ZNF385D: variants seen among roughly 807,000 people sequenced by gnomAD.
The protein encoded by ZNF385D is zinc finger protein 659.
ZNF385D carries 15 observed loss-of-function variants against 35.8 expected under a neutral mutation model. That is an observed-to-expected ratio of 0.42 (90% CI 0.28 to 0.64). The LOEUF (loss-of-function observed/expected upper bound fraction) is 0.64, where lower values mean the gene tolerates loss of function less well. Ranked by LOEUF, ZNF385D falls within the 30% of genes least tolerant of loss-of-function variation. The probability of loss-of-function intolerance (pLI) is 0.23; values close to 1 mark genes in which losing one functional copy is unlikely to be tolerated. For synonymous variants in ZNF385D, 212 were observed against 186.8 expected, an observed-to-expected ratio of 1.13 and a Z score of -1.10; for missense variants, 474 against 494.6, an observed-to-expected ratio of 0.96 and a Z score of 0.39.
intron 2 of ZNF385D, among the ~76,000 whole-genome samples, chr3:21,627,371 C>G (rs886167112): frequency 4.6e-5 from 7 of 151,686 alleles, no homozygotes; most frequent in Admixed American, 1.3e-4. Flanking sequence ...TACTCTAAGA[C>G]CTCCACATGC....
chr3:21,982,760 C>T (rs1438643342), intron 3 of ZNF385D, among the ~76,000 whole-genome samples: 2 of 151,880 alleles, frequency 1.3e-5, no homozygotes, highest in African/African-American at 4.8e-5. Flanking sequence ...TATGTTTCTA[C>T]TATACCTAGT....
chr3:21,442,813 G>C (rs1279499488), intron 4 of ZNF385D, among the ~76,000 whole-genome samples: 1 of 151,890 alleles, frequency 6.6e-6, no homozygotes, highest in African/African-American at 2.4e-5. Context: ...ATAAGTGTGT[G>C]TGCACACTTA....
intron 2 of ZNF385D, among the ~76,000 whole-genome samples, chr3:22,235,697 C>T (rs1233847409): frequency 1.3e-5 from 2 of 151,954 alleles, no homozygotes; most frequent in African/African-American, 4.8e-5. Context: ...AACTGAAAAA[C>T]TGAAAATCAA....
chr3:21,850,306 G>A (rs1039418044), intron 3 of ZNF385D, among the ~76,000 whole-genome samples: 1 of 151,992 alleles, frequency 6.6e-6, no homozygotes, highest in Admixed American at 6.6e-5. Context: ...AGAAATATGG[G>A]ATTATGATCC....
chr3:21,979,243 C>A (rs186215759), intron 3 of ZNF385D, among the ~76,000 whole-genome samples: 15 of 152,008 alleles, frequency 9.9e-5, no homozygotes, highest in African/African-American at 3.4e-4. Flanking sequence ...TATAACTGCA[C>A]CAAACAGAAG....
At chr3:22,170,467 C>G (rs1445886190) in intron 2 of ZNF385D, among the ~76,000 whole-genome samples, 1 of 152,180 alleles carries the variant, frequency 6.6e-6, no homozygotes, top group Non-Finnish European at 1.5e-5. Flanking sequence ...ATTGAAGTCA[C>G]TATCCAAATT....
chr3:21,571,932 G>T (rs2063347176), intron 2 of ZNF385D, among the ~76,000 whole-genome samples: 1 of 152,068 alleles, frequency 6.6e-6, no homozygotes, highest in Admixed American at 6.6e-5. Context: ...TGAAACCAAA[G>T]AACCTCACCC....
chr3:21,954,487 A>C (rs1244489395), intron 3 of ZNF385D, among the ~76,000 whole-genome samples: 1 of 152,034 alleles, frequency 6.6e-6, no homozygotes, highest in African/African-American at 2.4e-5. Context: ...GGAGGTTTCT[A>C]AACTTTCTCA....
chr3:21,963,188 C>A (rs933441384), intron 3 of ZNF385D, among the ~76,000 whole-genome samples: 1 of 152,154 alleles, frequency 6.6e-6, no homozygotes, highest in African/African-American at 2.4e-5. Context: ...ACCGGATGTT[C>A]CACTTATAAC....
chr3:22,003,587 C>T (rs1405509532), intron 3 of ZNF385D, among the ~76,000 whole-genome samples: 1 of 152,020 alleles, frequency 6.6e-6, no homozygotes, highest in Non-Finnish European at 1.5e-5. Context: ...TAAAATTTGG[C>T]CAGGTACAGT....
chr3:21,922,951 C>G (rs910377815), intron 3 of ZNF385D, among the ~76,000 whole-genome samples: 2 of 152,074 alleles, frequency 1.3e-5, no homozygotes, highest in Non-Finnish European at 2.9e-5. Flanking sequence ...AACAAATTGC[C>G]CTGTTTGAAA....
At chr3:21,676,618 C>T (rs1349624372) in intron 1 of ZNF385D, among the ~76,000 whole-genome samples, 2 of 151,982 alleles carry the variant, frequency 1.3e-5, no homozygotes, top group Non-Finnish European at 2.9e-5. Flanking sequence ...AGGTTCTTTG[C>T]TGGATAACTT....
chr3:21,865,105 TCTA>T (rs1697276174), intron 3 of ZNF385D, among the ~76,000 whole-genome samples: 1 of 141,454 alleles, frequency 7.1e-6, no homozygotes, highest in South Asian at 2.5e-4. Flanking sequence ...ACTTGCCGTA[TCTA>T]CTTTCATGTG....
intron 3 of ZNF385D, among the ~76,000 whole-genome samples, chr3:22,021,569 T>C (rs1206344796): frequency 6.6e-6 from 1 of 152,096 alleles, no homozygotes; most frequent in Non-Finnish European, 1.5e-5. Flanking sequence ...TTTTCTTATA[T>C]ACTTTTGTGA....
chr3:21,814,984 T>C (rs2073084863), intron 3 of ZNF385D, among the ~76,000 whole-genome samples: 1 of 152,156 alleles, frequency 6.6e-6, no homozygotes, highest in South Asian at 2.1e-4. Context: ...ACAAACTGTC[T>C]CTCAGACCAC....
intron 2 of ZNF385D, among the ~76,000 whole-genome samples, chr3:22,240,381 C>T (rs1336732213): frequency 6.6e-6 from 1 of 150,886 alleles, no homozygotes; most frequent in African/African-American, 2.5e-5. Flanking sequence ...AGGTATCTCC[C>T]TCTCACTATC....
intron 3 of ZNF385D, among the ~76,000 whole-genome samples, chr3:22,023,662 T>TA (rs1328518045): frequency 6.8e-6 from 1 of 147,998 alleles, no homozygotes; most frequent in Non-Finnish European, 1.5e-5. Flanking sequence ...AAGCAATGCT[T>TA]TTTTTTTTAT....
Position 21,968,176 on chromosome 3 carries a change from G to A in ZNF385D, c.325+200641C>T, listed in dbSNP as rs118021955. Among the ~76,000 whole-genome samples, 190 of 152,218 alleles carry A rather than the reference G, an allele frequency of 1.2e-3. 4 individuals carry two copies. In the East Asian group the frequency reaches 0.033, roughly 26 times the overall value. On this transcript the variant is annotated intron_variant, in intron 3 of 5. Coordinates refer to the ZNF385D transcript ENST00000494108. Reference sequence around the variant, plus strand: ...CCCAGTCACAGCGGAAAGCAACATCGGGTGGAACGCAGCCAATGCCACCAC... The same window carrying A: ...CCCAGTCACAGCGGAAAGCAACATCAGGTGGAACGCAGCCAATGCCACCAC...
At chr3:21,734,352 GA>G (rs1166050807) in intron 1 of ZNF385D, among the ~76,000 whole-genome samples, 24 of 130,412 alleles carry the variant, frequency 1.8e-4, no homozygotes, top group African/African-American at 7.5e-5. Context: ...TTTTTGTAAA[GA>G]TTTTTTTTGT....
Sources: allele counts gnomAD v4.1 joint callset (sites outside exome capture counted in the v4.1 genomes callset), GRCh38; gene constraint gnomAD v4.1.1; transcripts MANE v1.5; gene names NCBI Gene and HGNC (gene_info 2026-07-23, HGNC 2026-07-21).